The following MAML2 variants were observed in gnomAD, a reference collection of about 807,000 sequenced individuals.
The protein encoded by MAML2 is mastermind like transcriptional coactivator 2, also known as mastermind-like protein 2.
MAML2 carries 22 observed loss-of-function variants against 96.1 expected under a neutral mutation model. The observed-to-expected ratio is 0.23, with a 90% CI of 0.16 to 0.33. The LOEUF (loss-of-function observed/expected upper bound fraction) is 0.33, where lower values mean the gene tolerates loss of function less well. Among genes scored for constraint, MAML2 ranks in the 10% least tolerant of loss-of-function variants. MAML2 has a pLI of 1.00. For synonymous variants in MAML2, 561 were observed against 521.3 expected, an observed-to-expected ratio of 1.08 and a Z score of -1.04; for missense variants, 1,367 against 1,392.4, an observed-to-expected ratio of 0.98 and a Z score of 0.29.
chr11:96,007,295 G>A (rs1858198781), intron 2 of MAML2, among the ~76,000 whole-genome samples: 1 of 89,244 alleles, frequency 1.1e-5, no homozygotes, highest in Admixed American at 1.1e-4. Context: ...ACAGGCGTGA[G>A]CCACCATGCC....
intron 2 of MAML2, among the ~76,000 whole-genome samples, chr11:96,073,860 G>T (rs1055300696): frequency 4.2e-5 from 6 of 143,706 alleles, no homozygotes; most frequent in African/African-American, 1.5e-4. Flanking sequence ...TGTGTAGATT[G>T]TGCAGGCTAA....
intron 2 of MAML2, among the ~76,000 whole-genome samples, chr11:96,063,497 A>G (rs1198440236): frequency 1.3e-5 from 2 of 152,212 alleles, no homozygotes; most frequent in Non-Finnish European, 2.9e-5. Context: ...ACCACCATGG[A>G]CTGAGTAGTA....
chr11:96,001,639 C>T (rs76912135), intron 2 of MAML2, among the ~76,000 whole-genome samples: 1 of 152,114 alleles, frequency 6.6e-6, no homozygotes, highest in Non-Finnish European at 1.5e-5. Flanking sequence ...CTCAACCCCC[C>T]CTCACTCCCC....
At chr11:96,093,673 A>G (rs995323869) in intron 1 of MAML2, among the ~76,000 whole-genome samples, 156 bp from the exon 2 acceptor site, 1 of 152,258 alleles carries the variant, frequency 6.6e-6, no homozygotes, top group Non-Finnish European at 1.5e-5. Flanking sequence ...ATGAAGCACA[A>G]TCTGGATTAT....
chr11:96,065,877 C>G (rs1019794395), intron 2 of MAML2, among the ~76,000 whole-genome samples: 2 of 152,182 alleles, frequency 1.3e-5, no homozygotes, highest in Non-Finnish European at 2.9e-5. Flanking sequence ...GCTGGTGCTG[C>G]TGGGATAGGG....
chr11:95,980,242 T>C lies in MAML2; in HGVS notation c.2456-279A>G, dbSNP rs540772317. Among the ~76,000 whole-genome samples the C allele has an allele frequency of 2.0e-5, 3 of 152,284 alleles. No individual in the cohort carries two copies. The South Asian group carries it at 6.2e-4, about 32-fold the overall frequency. ...TTATTTTATTCCTCTTCTGAAGTCA[T>C]TGAAGGGAGGTAATAGTCAATCTTC... On this transcript the variant is annotated intron_variant, in intron 4 of 4. Coordinates refer to ENST00000524717, the MANE Select transcript of MAML2 (RefSeq NM_032427.4).
chr11:96,214,097 A>G (rs1363822333), intron 1 of MAML2, among the ~76,000 whole-genome samples: 1 of 152,248 alleles, frequency 6.6e-6, no homozygotes, highest in African/African-American at 2.4e-5. Context: ...ATACATATAC[A>G]TATATACAAA....
chr11:96,233,034 A>G (rs1862318168), intron 1 of MAML2, among the ~76,000 whole-genome samples: 1 of 152,320 alleles, frequency 6.6e-6, no homozygotes, highest in East Asian at 1.9e-4. Context: ...GGATATTAAC[A>G]CTCTAATTAT....
chr11:96,152,118 G>A (rs911427124), intron 1 of MAML2, among the ~76,000 whole-genome samples: 1 of 152,162 alleles, frequency 6.6e-6, no homozygotes, highest in Non-Finnish European at 1.5e-5. Flanking sequence ...AGCTACTTGG[G>A]AGGCTGAGGT....
intron 1 of MAML2, among the ~76,000 whole-genome samples, chr11:96,102,291 A>C (rs1294489547): frequency 5.3e-5 from 8 of 152,168 alleles, no homozygotes. Context: ...AAAAACAAAA[A>C]CAACAACAAC....
intron 4 of MAML2, among the ~76,000 whole-genome samples, chr11:95,982,094 AATG>A (rs1349483660): frequency 6.6e-6 from 1 of 152,180 alleles, no homozygotes; most frequent in Non-Finnish European, 1.5e-5. Flanking sequence ...TAAAATAAAA[AATG>A]ATTTTAAAAA....
At chr11:96,277,177 C>A (rs1240127010) in intron 1 of MAML2, among the ~76,000 whole-genome samples, 1 of 152,162 alleles carries the variant, frequency 6.6e-6, no homozygotes, top group Non-Finnish European at 1.5e-5. Flanking sequence ...AGAGGATACA[C>A]CATTTTTACC....
At chr11:96,158,145 T>C (rs536019847) in intron 1 of MAML2, among the ~76,000 whole-genome samples, 1 of 152,304 alleles carries the variant, frequency 6.6e-6, no homozygotes, top group African/African-American at 2.4e-5. Context: ...GTATAATTCT[T>C]GCTAAAATGA....
intron 2 of MAML2, among the ~76,000 whole-genome samples, chr11:96,084,658 T>G (rs1305958993): frequency 6.6e-6 from 1 of 152,138 alleles, no homozygotes; most frequent in Non-Finnish European, 1.5e-5. Context: ...AAAATTGGTC[T>G]GCAGGGAAAG....
intron 1 of MAML2, among the ~76,000 whole-genome samples, chr11:96,305,133 A>T (rs547347129): frequency 5.5e-4 from 84 of 152,364 alleles, no homozygotes; most frequent in African/African-American, 1.9e-3. Flanking sequence ...ATATTTTAAA[A>T]TTAAAGCTAT....
intron 1 of MAML2, among the ~76,000 whole-genome samples, chr11:96,152,425 A>G (rs563176815): frequency 2.6e-5 from 4 of 152,386 alleles, no homozygotes; most frequent in South Asian, 2.1e-4. Context: ...AGTTCTGTCC[A>G]AATGTTTAAG....
At chr11:96,148,699 CACACACACAT>C (rs1335349167) in intron 1 of MAML2, among the ~76,000 whole-genome samples, 22 of 140,842 alleles carry the variant, frequency 1.6e-4, no homozygotes, top group African/African-American at 6.0e-4. Flanking sequence ...CACACACACA[CACACACACAT>C]AAGCACGCAC....
At chr11:96,007,290 C>T (rs528264853) in intron 2 of MAML2, among the ~76,000 whole-genome samples, 11 of 151,716 alleles carry the variant, frequency 7.3e-5, no homozygotes, top group African/African-American at 1.9e-4. Context: ...GGATTACAGG[C>T]GTGAGCCACC....
intron 1 of MAML2, among the ~76,000 whole-genome samples, chr11:96,252,138 C>T (rs16923429): frequency 0.1 from 15,704 of 151,972 alleles, 1,048 homozygotes; most frequent in African/African-American, 0.19. Context: ...AAATTACACT[C>T]GTTATGCTGT....
Sources: gnomAD v4.1 joint callset for allele counts (sites outside exome capture counted in the v4.1 genomes callset) on GRCh38, gnomAD v4.1.1 for gene constraint, MANE v1.5 for transcripts, NCBI Gene and HGNC (gene_info 2026-07-23, HGNC 2026-07-21) for gene names.